Variants in DGAT2 observed in about 807,000 individuals in gnomAD.
The protein encoded by DGAT2 is diacylglycerol O-acyltransferase 2.
A neutral mutation model predicts 48.4 loss-of-function variants in DGAT2; 33 were observed. That is an observed-to-expected ratio of 0.68 (90% CI 0.52 to 0.91). DGAT2 has a LOEUF of 0.91. Ranked by LOEUF, DGAT2 falls within the 40% of genes least tolerant of loss-of-function variation. DGAT2 has a pLI of 0.00. For missense variants in DGAT2, 446 were observed against 493.7 expected (o/e 0.90, Z 0.92); for synonymous variants, 191 against 194.1 (o/e 0.98, Z 0.13).
Position 75,797,212 on chromosome 11 carries a change from G to A in DGAT2, c.689G>A (p.Ser230Asn). The change falls in exon 6 of 8, where the codon AGT becomes AAT. Residue 230 changes from serine (S) to asparagine (N), a missense_variant. Coordinates refer to ENST00000228027, the MANE Select transcript of DGAT2 (RefSeq NM_032564.5). ...GACTATTTGCTTTCAAAGAATGGGA[G>A]TGGCAATGCTATCATCATCGTGGTC... ...TIDYLLSKNG[S>N]GNAIIIVVGG... The A allele has an allele frequency of 6.4e-7, 1 of 1,574,590 alleles. No individual in the cohort carries two copies. Among genetic ancestry groups the A allele is most frequent in the African/African-American group, 1.4e-5 (1 of 73,188 alleles).
chr11:75,796,587 C>A, intron 5 of DGAT2, 55 bp downstream of exon 5: 1 of 1,558,860 alleles, frequency 6.4e-7, no homozygotes, highest in Non-Finnish European at 8.7e-7. Context: ...GCCTGAGCCT[C>A]TCCATCGGGC....
At chr11:75,797,582 A>G (rs1365488096) in intron 6 of DGAT2, among the ~76,000 whole-genome samples, 2 of 152,186 alleles carry the variant, frequency 1.3e-5, no homozygotes, top group African/African-American at 4.8e-5. Flanking sequence ...GTCCAGGCTT[A>G]TATGCAGGAC....
chr11:75,784,368 A>G, intron 1 of DGAT2: 1 of 374,044 alleles, frequency 2.7e-6, no homozygotes, highest in Non-Finnish European at 4.9e-6. Context: ...GTGGTCTCCA[A>G]AATGACCCCG....
At chr11:75,799,269 T>C (rs1945087493) in intron 7 of DGAT2, among the ~76,000 whole-genome samples, 1 of 152,170 alleles carries the variant, frequency 6.6e-6, no homozygotes, top group African/African-American at 2.4e-5. Context: ...AGGAATTTGC[T>C]CTTCACCTTG....
chr11:75,768,799 G>A lies in DGAT2; in HGVS notation c.-193G>A. On this transcript the variant is annotated 5_prime_UTR_variant, in exon 1 of 8. Transcript: ENST00000228027. Reference sequence around the variant, plus strand: ...CAGCGCCGCGGCTGCCGCCTCTGCTGGGGTCTAGGCTGTTTCTCTCGCGCC... The same window carrying A: ...CAGCGCCGCGGCTGCCGCCTCTGCTAGGGTCTAGGCTGTTTCTCTCGCGCC... The A allele has an allele frequency of 1.7e-6, 1 of 584,694 alleles. No individual in the cohort carries two copies. Among genetic ancestry groups the A allele is most frequent in the Non-Finnish European group, 2.6e-6 (1 of 388,430 alleles). 36.2% of individuals were successfully genotyped at this position (584,694 alleles called of 1,614,324 possible).
chr11:75,799,833 G>GTCTTGAACTCATGAGCTCAAGC (rs1565321320), intron 7 of DGAT2, among the ~76,000 whole-genome samples: 1 of 151,956 alleles, frequency 6.6e-6, no homozygotes, highest in Admixed American at 6.6e-5. Context: ...ACCCAGGCTG[G>GTCTTGAACTCATGAGCTCAAGC]TCTTGAACTC....
intron 1 of DGAT2, among the ~76,000 whole-genome samples, chr11:75,782,728 C>G (rs1051584708): frequency 6.6e-6 from 1 of 152,232 alleles, no homozygotes; most frequent in East Asian, 1.9e-4. Flanking sequence ...GGCAGGTTGA[C>G]CAGGCCCTGA....
At chr11:75,782,998 A>G (rs758375851) in intron 1 of DGAT2, among the ~76,000 whole-genome samples, 2 of 152,224 alleles carry the variant, frequency 1.3e-5, no homozygotes, top group Non-Finnish European at 1.5e-5. Flanking sequence ...GAGGTGGGAA[A>G]GTCCTATGAA....
intron 7 of DGAT2, among the ~76,000 whole-genome samples, chr11:75,799,210 C>T (rs1266944832): frequency 2.0e-5 from 3 of 152,188 alleles, no homozygotes; most frequent in Non-Finnish European, 2.9e-5. Context: ...AGGAACATTT[C>T]CATGCACAGG....
At chr11:75,772,662 G>A (rs1565312594) in intron 1 of DGAT2, among the ~76,000 whole-genome samples, 1 of 152,104 alleles carries the variant, frequency 6.6e-6, no homozygotes, top group Non-Finnish European at 1.5e-5. Context: ...GTGCTTATCT[G>A]TTTAAGCAAT....
intron 4 of DGAT2, chr11:75,795,313 C>T (rs919819468): frequency 1.3e-5 from 2 of 152,162 alleles, no homozygotes; most frequent in Non-Finnish European, 2.9e-5. Context: ...GCATGAGCCA[C>T]CATGCCTGGC....
At position 75,775,427 on chromosome 11, in the gene DGAT2, T is replaced by C. The variant is rs151202312; in HGVS notation, c.121+6315T>C. 1.4e-3 allele frequency among the ~76,000 whole-genome samples: 214 copies of C among 152,350 alleles called. 1 individual carries two copies. Among genetic ancestry groups the C allele is most frequent in the African/African-American group, 4.8e-3 (200 of 41,586 alleles). On this transcript the variant is annotated intron_variant, in intron 1 of 7. Coordinates refer to ENST00000228027, the MANE Select transcript of DGAT2 (RefSeq NM_032564.5). The stretch of plus-strand genomic sequence containing the variant: ...TTGGGCCAGATGTCCCAGTGGGCCC[T>C]GCTTTAAGGATACCTCATTTGCAAA...
At chr11:75,786,452 C>A (rs1944923708) in intron 2 of DGAT2, among the ~76,000 whole-genome samples, 1 of 152,176 alleles carries the variant, frequency 6.6e-6, no homozygotes. Flanking sequence ...CTACCACTAT[C>A]CCTGTCTTAA....
chr11:75,799,898 G>A (rs780814752), intron 7 of DGAT2, among the ~76,000 whole-genome samples: 8 of 152,096 alleles, frequency 5.3e-5, no homozygotes, highest in Admixed American at 2.6e-4. Flanking sequence ...AATTACAGGC[G>A]TGAGCCACCA....
At chr11:75,777,291 G>A (rs911594858) in intron 1 of DGAT2, among the ~76,000 whole-genome samples, 13 of 152,264 alleles carry the variant, frequency 8.5e-5, no homozygotes, top group African/African-American at 2.4e-4. Flanking sequence ...TAAAGCTAAG[G>A]AGGACACTGA....
intron 3 of DGAT2, 89 bp from the exon 4 acceptor site, chr11:75,790,572 C>T (rs1590872712): frequency 2.4e-6 from 3 of 1,243,522 alleles, no homozygotes; most frequent in Non-Finnish European, 3.6e-6. Flanking sequence ...GTGATGGTCA[C>T]CTGCTTGGGT....
chr11:75,775,714 G>A (rs1312458764), intron 1 of DGAT2, among the ~76,000 whole-genome samples: 1 of 152,196 alleles, frequency 6.6e-6, no homozygotes, highest in Non-Finnish European at 1.5e-5. Flanking sequence ...ACTGCTTGCA[G>A]TTAATTCCTC....
chr11:75,791,709 C>A (rs900560564), intron 4 of DGAT2, among the ~76,000 whole-genome samples: 2 of 152,200 alleles, frequency 1.3e-5, no homozygotes, highest in Non-Finnish European at 2.9e-5. Flanking sequence ...ATTCCAGCTT[C>A]CTGGGTCTCC....
At chr11:75,790,064 GC>G in intron 2 of DGAT2, 123 bp from the exon 3 acceptor site, 1 of 722,672 alleles carries the variant, frequency 1.4e-6, no homozygotes, top group Non-Finnish European at 2.5e-6. Context: ...GGGTTTGTGG[GC>G]CCCATGCCCA....
Sources: gnomAD v4.1 joint callset for allele counts (sites outside exome capture counted in the v4.1 genomes callset) on GRCh38, gnomAD v4.1.1 for gene constraint, MANE v1.5 for transcripts, NCBI Gene and HGNC (gene_info 2026-07-23, HGNC 2026-07-21) for gene names.